The following MIR2052HG variants were observed in gnomAD, a reference collection of about 807,000 sequenced individuals.
MIR2052HG encodes the protein MIR2052 host gene.
chr8:74,682,622 CA>C, intron 2 of MIR2052HG, among the ~76,000 whole-genome samples: 1 of 152,056 alleles, frequency 6.6e-6, no homozygotes, highest in Non-Finnish European at 1.5e-5. Flanking sequence ...GCTTAACACA[CA>C]CAAGTTGCCA....
intron 4 of MIR2052HG, among the ~76,000 whole-genome samples, chr8:74,704,286 TG>T (rs1054780058): frequency 6.6e-5 from 10 of 152,028 alleles, no homozygotes; most frequent in Admixed American, 6.6e-5. Context: ...GATCAATGCT[TG>T]GTTGTTCCTT....
intron 4 of MIR2052HG, among the ~76,000 whole-genome samples, chr8:74,733,312 A>G (rs879331956): frequency 5.7e-4 from 87 of 151,832 alleles, no homozygotes; most frequent in Non-Finnish European, 1.1e-3. Context: ...ATTCCCACCT[A>G]TGAGTGAGTA....
chr8:74,735,768 A>G (rs764157788), intron 4 of MIR2052HG, among the ~76,000 whole-genome samples: 1 of 152,242 alleles, frequency 6.6e-6, no homozygotes, highest in African/African-American at 2.4e-5. Flanking sequence ...TTATTTGGCC[A>G]GGACTCAAAT....
intron 4 of MIR2052HG, among the ~76,000 whole-genome samples, chr8:74,740,790 C>A (rs72669203): frequency 6.6e-6 from 1 of 152,110 alleles, no homozygotes; most frequent in African/African-American, 2.4e-5. Flanking sequence ...AAGTAGATAG[C>A]GTGGTCTCCA....
chr8:74,684,250 G>A (rs1361701296), intron 2 of MIR2052HG, among the ~76,000 whole-genome samples: 1 of 151,600 alleles, frequency 6.6e-6, no homozygotes, highest in East Asian at 1.9e-4. Flanking sequence ...AGATCTGCTG[G>A]TCTGGGCTCT....
rs920984387 is a variant in MIR2052HG at position 74,609,000 on chromosome 8, A to G, written n.129-3853A>G. Among the ~76,000 whole-genome samples the G allele has an allele frequency of 3.3e-5, 5 of 152,128 alleles. No homozygotes were observed. In the East Asian group the frequency reaches 9.6e-4, roughly 29 times the overall value. ...GAGAAAACATAAAAGTAATAGAGAA[A>G]ATTAATAAAAACAAAAGAATTTTTA... On this transcript the variant is annotated intron_variant and non_coding_transcript_variant, in intron 1 of 6. Coordinates refer to ENST00000523442, the Ensembl canonical transcript of MIR2052HG.
intron 2 of MIR2052HG, among the ~76,000 whole-genome samples, chr8:74,681,622 T>A (rs1340569457): frequency 6.6e-6 from 1 of 152,124 alleles, no homozygotes; most frequent in African/African-American, 2.4e-5. Context: ...TTCATGCTAT[T>A]ACCTCTTGGG....
chr8:74,756,080 T>C (rs925989937), intron 5 of MIR2052HG, among the ~76,000 whole-genome samples: 1 of 152,204 alleles, frequency 6.6e-6, no homozygotes, highest in South Asian at 2.1e-4. Context: ...TTTTGGGGTT[T>C]TCATGAGCGC....
intron 2 of MIR2052HG, among the ~76,000 whole-genome samples, chr8:74,647,316 C>T (rs1808699320): frequency 6.6e-6 from 1 of 152,172 alleles, no homozygotes; most frequent in Non-Finnish European, 1.5e-5. Context: ...GACTCTGGTT[C>T]AGTCTCCAGT....
intron 5 of MIR2052HG, among the ~76,000 whole-genome samples, chr8:74,755,064 T>C (rs1205854810): frequency 6.6e-6 from 1 of 152,238 alleles, no homozygotes; most frequent in East Asian, 1.9e-4. Context: ...TGAATCAGCA[T>C]GAGAACTAAC....
intron 2 of MIR2052HG, among the ~76,000 whole-genome samples, chr8:74,696,019 A>G (rs1208134862): frequency 1.3e-5 from 2 of 152,168 alleles, no homozygotes; most frequent in Non-Finnish European, 2.9e-5. Context: ...TGCAGAACAT[A>G]CAGTCTTTTC....
intron 2 of MIR2052HG, among the ~76,000 whole-genome samples, chr8:74,674,815 G>A (rs936051277): frequency 6.6e-6 from 1 of 151,664 alleles, no homozygotes; most frequent in Non-Finnish European, 1.5e-5. Context: ...GATACTATAC[G>A]TTACTATACT....
chr8:74,705,841 AG>A (rs1343007982), intron 4 of MIR2052HG: 1 of 167,598 alleles, frequency 6.0e-6, no homozygotes, highest in East Asian at 2.0e-4. Flanking sequence ...CGATAAAACT[AG>A]GCCCATGGAT....
At chr8:74,745,539 A>T (rs1046572341) in intron 4 of MIR2052HG, among the ~76,000 whole-genome samples, 5 of 152,148 alleles carry the variant, frequency 3.3e-5, no homozygotes, top group Non-Finnish European at 7.4e-5. Context: ...ATTATTGGAG[A>T]TGATAGTCTT....
At chr8:74,740,144 T>G (rs1272419451) in intron 4 of MIR2052HG, among the ~76,000 whole-genome samples, 1 of 152,254 alleles carries the variant, frequency 6.6e-6, no homozygotes, top group African/African-American at 2.4e-5. Flanking sequence ...TATATTTTTA[T>G]TCTTTTTCAT....
intron 4 of MIR2052HG, among the ~76,000 whole-genome samples, chr8:74,740,781 A>G (rs924657305): frequency 6.6e-6 from 1 of 152,216 alleles, no homozygotes; most frequent in Non-Finnish European, 1.5e-5. Flanking sequence ...GCTTTGAACA[A>G]GTAGATAGCG....
intron 2 of MIR2052HG, among the ~76,000 whole-genome samples, chr8:74,684,388 C>A (rs1481167550): frequency 6.6e-6 from 1 of 152,020 alleles, no homozygotes. Context: ...TTAGTCATAT[C>A]TACTAACGTT....
At chr8:74,611,651 C>T (rs1169409111) in intron 1 of MIR2052HG, among the ~76,000 whole-genome samples, 1 of 152,054 alleles carries the variant, frequency 6.6e-6, no homozygotes, top group Non-Finnish European at 1.5e-5. Context: ...TAATACTTTT[C>T]TTTTTTACTT....
intron 4 of MIR2052HG, among the ~76,000 whole-genome samples, chr8:74,712,242 AG>A (rs1018102348): frequency 6.6e-6 from 1 of 152,170 alleles, no homozygotes; most frequent in African/African-American, 2.4e-5. Flanking sequence ...AGTATGTAGA[AG>A]AGTTTGCTAG....
Sources: allele counts gnomAD v4.1 joint callset (sites outside exome capture counted in the v4.1 genomes callset), GRCh38; gene constraint gnomAD v4.1.1; transcripts MANE v1.5; gene names NCBI Gene and HGNC (gene_info 2026-07-23, HGNC 2026-07-21).